The following OSCP1 variants were observed in gnomAD, a reference collection of about 807,000 sequenced individuals.
OSCP1 encodes the protein organic solute carrier partner 1, also known as protein OSCP1.
Under a neutral mutation model 45.1 loss-of-function variants are expected in OSCP1, and 35 were observed. The observed-to-expected ratio is 0.78, with a 90% CI of 0.59 to 1.03. The LOEUF (loss-of-function observed/expected upper bound fraction) is 1.03. Among genes scored for constraint, OSCP1 ranks in the 50% least tolerant of loss-of-function variants. The pLI is 0.00. For missense variants in OSCP1, 400 were observed against 470.7 expected, an observed-to-expected ratio of 0.85 and a Z score of 1.39; for synonymous variants, 179 against 180.1, an observed-to-expected ratio of 0.99 and a Z score of 0.05.
At chr1:36,424,154 C>G (rs949978879) in intron 4 of OSCP1, among the ~76,000 whole-genome samples, 4 of 152,058 alleles carry the variant, frequency 2.6e-5, no homozygotes, top group African/African-American at 9.7e-5. Flanking sequence ...CCATGTTGGC[C>G]AGGCTCAAAA....
intron 4 of OSCP1, among the ~76,000 whole-genome samples, chr1:36,428,014 C>G (rs1390366318): frequency 6.6e-6 from 1 of 151,524 alleles, no homozygotes; most frequent in African/African-American, 2.4e-5. Context: ...GTGGTTAAAC[C>G]CCGTCTCTAC....
intron 4 of OSCP1, 136 bp from the exon 5 acceptor site, chr1:36,423,602 C>T (rs1220636386): frequency 1.6e-6 from 1 of 610,142 alleles, no homozygotes; most frequent in Admixed American, 3.0e-5. Flanking sequence ...AGGCTGGGCG[C>T]AGTGGATCAT....
intron 1 of OSCP1, among the ~76,000 whole-genome samples, 181 bp downstream of exon 1, chr1:36,450,077 A>G (rs1278459611): frequency 2.0e-5 from 3 of 151,742 alleles, no homozygotes; most frequent in Non-Finnish European, 4.4e-5. Flanking sequence ...CTGCTGTGAA[A>G]AAAGCTTTTG....
chr1:36,444,000 A>G, intron 1 of OSCP1: 1 of 1,613,478 alleles, frequency 6.2e-7, no homozygotes, highest in Non-Finnish European at 8.5e-7. Flanking sequence ...CGGAGATAGC[A>G]TACCTCGTTT....
intron 1 of OSCP1, 116 bp from the exon 2 acceptor site, chr1:36,439,026 T>A: frequency 8.5e-7 from 1 of 1,182,016 alleles, no homozygotes; most frequent in Non-Finnish European, 1.2e-6. Flanking sequence ...TGGGATGCTG[T>A]ATGCTTGGTG....
chr1:36,449,135 A>C (rs1008665730), intron 1 of OSCP1, among the ~76,000 whole-genome samples: 1 of 152,228 alleles, frequency 6.6e-6, no homozygotes, highest in Non-Finnish European at 1.5e-5. Context: ...AATGGAGAGA[A>C]TGTTTTAATT....
chr1:36,448,680 A>G (rs189029824), intron 1 of OSCP1, among the ~76,000 whole-genome samples: 1 of 152,358 alleles, frequency 6.6e-6, no homozygotes, highest in Admixed American at 6.5e-5. Context: ...CGAATAATGC[A>G]GGATTGAAGG....
intron 1 of OSCP1, among the ~76,000 whole-genome samples, chr1:36,444,577 C>G (rs1289322358): frequency 1.3e-5 from 2 of 151,902 alleles, no homozygotes; most frequent in Non-Finnish European, 2.9e-5. Context: ...GCATTTGTTT[C>G]TGTTTTACTT....
At chr1:36,443,506 A>G (rs1483406286) in intron 1 of OSCP1, among the ~76,000 whole-genome samples, 1 of 152,140 alleles carries the variant, frequency 6.6e-6, no homozygotes, top group African/African-American at 2.4e-5. Context: ...ATGAGGCCAC[A>G]CTGCATGCAT....
intron 2 of OSCP1, among the ~76,000 whole-genome samples, chr1:36,434,585 A>G (rs1648587163): frequency 6.6e-6 from 1 of 152,018 alleles, no homozygotes; most frequent in Admixed American, 6.6e-5. Flanking sequence ...CCCCATCTCT[A>G]CTAAAAATAC....
chr1:36,420,565 G>A lies in OSCP1; in HGVS notation c.870C>T (p.Ala290=), dbSNP rs1292526358. Residue 290 remains alanine, a synonymous_variant, in exon 8 of 10, where the codon GCC becomes GCT. Coordinates refer to ENST00000235532, the MANE Select transcript of OSCP1 (RefSeq NM_145047.5). The part of the protein sequence containing the change: ...PLAKEELNFL[A]RLMGGMEIKK... ...TAATCTCCATCCCTCCCATCAGCCT[G>A]GCCAAGAAATTCAGCTCTTCTTTAG... 1.9e-6 allele frequency: 3 copies of A among 1,613,934 alleles called. No individual in the cohort carries two copies. The African/African-American group carries it at 4.0e-5, about 22-fold the overall frequency.
chr1:36,423,023 G>A (rs940992201), intron 5 of OSCP1, 127 bp from the exon 6 acceptor site: 8 of 525,084 alleles, frequency 1.5e-5, no homozygotes, highest in Non-Finnish European at 2.1e-5. Context: ...GGTGCTGGTT[G>A]TAATAATAAT....
chr1:36,440,430 C>A (rs1379801817), intron 1 of OSCP1, among the ~76,000 whole-genome samples: 1 of 152,194 alleles, frequency 6.6e-6, no homozygotes, highest in African/African-American at 2.4e-5. Context: ...GACTGTGGCT[C>A]CATACAGAAA....
At chr1:36,449,702 T>C (rs1649763001) in intron 1 of OSCP1, among the ~76,000 whole-genome samples, 1 of 150,938 alleles carries the variant, frequency 6.6e-6, no homozygotes, top group South Asian at 2.1e-4. Flanking sequence ...CTGGGTGTGG[T>C]GGTGCATGCC....
At chr1:36,442,658 A>C (rs1033236154) in intron 1 of OSCP1, among the ~76,000 whole-genome samples, 12 of 152,200 alleles carry the variant, frequency 7.9e-5, no homozygotes, top group Admixed American at 7.2e-4. Context: ...TGAAATTTGG[A>C]GCCAAGAATT....
intron 1 of OSCP1, among the ~76,000 whole-genome samples, chr1:36,449,508 C>T (rs1260861683): frequency 6.6e-6 from 1 of 152,008 alleles, no homozygotes; most frequent in Non-Finnish European, 1.5e-5. Context: ...CAATCTCCAG[C>T]TTATGTGGGA....
intron 1 of OSCP1, among the ~76,000 whole-genome samples, chr1:36,441,141 G>A (rs1649116267): frequency 6.6e-6 from 1 of 152,230 alleles, no homozygotes; most frequent in Non-Finnish European, 1.5e-5. Flanking sequence ...CTGGGAAGAG[G>A]ACGGCGGGGT....
intron 1 of OSCP1, among the ~76,000 whole-genome samples, chr1:36,448,142 AC>A (rs1181868948): frequency 1.3e-5 from 2 of 152,224 alleles, no homozygotes; most frequent in Non-Finnish European, 2.9e-5. Context: ...TTATGGAGAA[AC>A]AGGTTTATAG....
intron 8 of OSCP1, 65 bp downstream of exon 8, chr1:36,420,411 C>A: frequency 6.5e-7 from 1 of 1,545,408 alleles, no homozygotes; most frequent in Non-Finnish European, 8.8e-7. Context: ...TTGTAATAGT[C>A]ATTTTGTGTT....
Sources: allele counts gnomAD v4.1 joint callset (sites outside exome capture counted in the v4.1 genomes callset), GRCh38; gene constraint gnomAD v4.1.1; transcripts MANE v1.5; gene names NCBI Gene and HGNC (gene_info 2026-07-23, HGNC 2026-07-21).